MAGI1: variants seen among roughly 807,000 people sequenced by gnomAD.
MAGI1 encodes the protein membrane associated guanylate kinase, WW and PDZ domain containing 1.
Under a neutral mutation model 139.9 loss-of-function variants are expected in MAGI1, and 58 were observed. The ratio of observed to expected loss-of-function variants is 0.41; its 90% CI spans 0.34 to 0.52. MAGI1 has a LOEUF of 0.52. Among genes scored for constraint, MAGI1 ranks in the 20% least tolerant of loss-of-function variants. The pLI, the probability that MAGI1 is intolerant of heterozygous loss-of-function variation, is 0.12. For missense variants in MAGI1, 1,874 were observed against 1,901.6 expected (o/e 0.99, Z 0.27); for synonymous variants, 812 against 737.9 (o/e 1.10, Z -1.63).
At chr3:65,483,159 A>G (rs1238971996) in intron 3 of MAGI1, among the ~76,000 whole-genome samples, 1 of 152,176 alleles carries the variant, frequency 6.6e-6, no homozygotes, top group African/African-American at 2.4e-5. Context: ...ATTTTTGGAG[A>G]GCTTGCTTTC....
intron 1 of MAGI1, among the ~76,000 whole-genome samples, chr3:65,919,740 C>A (rs762535716): frequency 1.3e-5 from 2 of 151,900 alleles, no homozygotes; most frequent in Non-Finnish European, 2.9e-5. Flanking sequence ...AGGCAACGTT[C>A]CCCCATTCGA....
chr3:65,813,575 TG>T (rs2041418187), intron 1 of MAGI1, among the ~76,000 whole-genome samples: 1 of 152,220 alleles, frequency 6.6e-6, no homozygotes, highest in African/African-American at 2.4e-5. Context: ...GAGTTGACTA[TG>T]GGTAAGTAAC....
chr3:65,646,979 A>C (rs1178687851), intron 1 of MAGI1, among the ~76,000 whole-genome samples: 1 of 152,134 alleles, frequency 6.6e-6, no homozygotes, highest in Non-Finnish European at 1.5e-5. Context: ...ACCCACAAAA[A>C]CAAGAACAAA....
intron 1 of MAGI1, among the ~76,000 whole-genome samples, chr3:65,824,266 A>G (rs1202765311): frequency 1.3e-5 from 2 of 152,194 alleles, no homozygotes; most frequent in East Asian, 1.9e-4. Flanking sequence ...GGGATCTTGG[A>G]GGACGGATGT....
chr3:66,012,803 T>C (rs1160898681), intron 1 of MAGI1, among the ~76,000 whole-genome samples: 4 of 150,630 alleles, frequency 2.7e-5, no homozygotes, highest in Non-Finnish European at 4.4e-5. Flanking sequence ...GGGACAGATG[T>C]GAAATCATCT....
intron 1 of MAGI1, among the ~76,000 whole-genome samples, chr3:65,666,922 C>A (rs929308927): frequency 6.6e-6 from 1 of 152,154 alleles, no homozygotes; most frequent in Admixed American, 6.5e-5. Context: ...GCTTCAATAC[C>A]CTTTCCTCCA....
chr3:65,420,784 G>A (rs990677131), intron 12 of MAGI1, among the ~76,000 whole-genome samples: 2 of 152,120 alleles, frequency 1.3e-5, no homozygotes, highest in Non-Finnish European at 1.5e-5. Context: ...AATCACACAC[G>A]AACACATTTG....
At chr3:65,979,099 G>A (rs72626923) in intron 1 of MAGI1, among the ~76,000 whole-genome samples, 3 of 26,302 alleles carry the variant, frequency 1.1e-4, no homozygotes, top group African/African-American at 4.1e-4. Flanking sequence ...CCCCCCCCCC[G>A]CCACCCCCCA....
chr3:65,510,285 C>T (rs953825259), intron 2 of MAGI1, among the ~76,000 whole-genome samples: 5 of 152,138 alleles, frequency 3.3e-5, no homozygotes, highest in East Asian at 3.9e-4. Context: ...TCACCAGCAA[C>T]GGAACAAAGC....
At chr3:65,545,193 T>A (rs910302541) in intron 2 of MAGI1, among the ~76,000 whole-genome samples, 1 of 152,004 alleles carries the variant, frequency 6.6e-6, no homozygotes. Context: ...AAGCAAAAAA[T>A]TTAACACCTA....
At chr3:65,400,228 C>T (rs1944743035) in intron 13 of MAGI1, among the ~76,000 whole-genome samples, 1 of 152,162 alleles carries the variant, frequency 6.6e-6, no homozygotes, top group South Asian at 2.1e-4. Flanking sequence ...GACAAGGAAA[C>T]CAGCCCTGAA....
intron 1 of MAGI1, among the ~76,000 whole-genome samples, chr3:65,785,890 C>A (rs954192727): frequency 1.3e-5 from 2 of 152,018 alleles, no homozygotes; most frequent in Non-Finnish European, 2.9e-5. Context: ...ATTTTTTAGG[C>A]CATGAATCCT....
At position 65,870,646 on chromosome 3, in the gene MAGI1, G is replaced by C. The variant is rs9842664; in HGVS notation, c.313+167350C>G. ...GAAAGACAGGAGAGAGGCAGGGTGG[G>C]GGGGGTAGGAAAGAGGGTAGAGAAG... On this transcript the variant is annotated intron_variant, in intron 1 of 22. Transcript: ENST00000402939. Among the ~76,000 whole-genome samples the C allele has an allele frequency of 6.5e-3, 976 of 150,930 alleles. 8 individuals carry two copies. The highest frequency in any genetic ancestry group is 0.017 in the African/African-American group (697 of 41,092).
chr3:65,535,831 C>T (rs949237522), intron 2 of MAGI1, among the ~76,000 whole-genome samples: 2 of 152,162 alleles, frequency 1.3e-5, no homozygotes, highest in Admixed American at 6.5e-5. Flanking sequence ...TTTTTCTTGA[C>T]AGCTTAAAGT....
rs758851968 is a variant in MAGI1, at chr3:65,507,802, T to A, written c.431-14171A>T. ...CTGGCTACAACTATAGCTCATTTTA[T>A]GTTATGGACTATATAGTTTCTAGAT... is the stretch of plus-strand genomic sequence containing the variant. On this transcript the variant is annotated intron_variant, in intron 2 of 22. Coordinates refer to ENST00000402939, the MANE Select transcript of MAGI1 (RefSeq NM_001033057.2). 7.2e-5 allele frequency among the ~76,000 whole-genome samples: 11 copies of A among 152,236 alleles called. No individual in the cohort carries two copies. In the South Asian group the frequency reaches 1.0e-3, roughly 14 times the overall value.
chr3:65,665,746 G>A (rs189435536), intron 1 of MAGI1, among the ~76,000 whole-genome samples: 154 of 152,142 alleles, frequency 1.0e-3, no homozygotes, highest in African/African-American at 3.6e-3. Flanking sequence ...ACATTTCCTG[G>A]GCTTTCCCCT....
At chr3:65,805,110 T>G (rs1275062361) in intron 1 of MAGI1, among the ~76,000 whole-genome samples, 3 of 151,076 alleles carry the variant, frequency 2.0e-5, no homozygotes, top group African/African-American at 7.3e-5. Context: ...AACTAAAGAG[T>G]TAATGTACAA....
chr3:65,771,302 G>T (rs57719349), intron 1 of MAGI1, among the ~76,000 whole-genome samples: 32,233 of 146,896 alleles, frequency 0.22, 4,323 homozygotes, highest in East Asian at 0.48. Context: ...CAGTGAATCT[G>T]TCTCAATGTC....
At chr3:65,972,497 T>C (rs1192928679) in intron 1 of MAGI1, among the ~76,000 whole-genome samples, 2 of 152,226 alleles carry the variant, frequency 1.3e-5, no homozygotes, top group African/African-American at 4.8e-5. Flanking sequence ...ACTTTGTTTC[T>C]ATTATGTAAA....
Sources: allele counts gnomAD v4.1 joint callset (sites outside exome capture counted in the v4.1 genomes callset), GRCh38; gene constraint gnomAD v4.1.1; transcripts MANE v1.5; gene names NCBI Gene and HGNC (gene_info 2026-07-23, HGNC 2026-07-21).